Variants in ZCWPW2 observed in about 807,000 individuals in gnomAD.
ZCWPW2 encodes zinc finger CW-type PWWP domain protein 2.
A neutral mutation model predicts 46.6 loss-of-function variants in ZCWPW2; 45 were observed. The ratio of observed to expected loss-of-function variants is 0.96; its 90% confidence interval spans 0.76 to 1.24. The LOEUF is 1.24. Among genes scored for constraint, ZCWPW2 ranks in the 50% most tolerant of loss-of-function variants. ZCWPW2 has a pLI of 0.00. For synonymous variants in ZCWPW2, 152 were observed against 137.1 expected (o/e 1.11, Z -0.76); for missense variants, 429 against 403.9 (o/e 1.06, Z -0.53).
chr3:28,426,757 T>G (rs1032432089), intron 3 of ZCWPW2, among the ~76,000 whole-genome samples: 2 of 152,210 alleles, frequency 1.3e-5, no homozygotes, highest in African/African-American at 4.8e-5. Flanking sequence ...AACTCATCCA[T>G]TTTGTTTCCA....
At chr3:28,439,332 A>T (rs958036687) in intron 4 of ZCWPW2, among the ~76,000 whole-genome samples, 2 of 151,984 alleles carry the variant, frequency 1.3e-5, no homozygotes, top group African/African-American at 2.4e-5. Context: ...AGAAAGATGT[A>T]GGCTGGGAGG....
At chr3:28,369,105 C>T (rs1199083808) in intron 1 of ZCWPW2, among the ~76,000 whole-genome samples, 3 of 152,106 alleles carry the variant, frequency 2.0e-5, no homozygotes, top group African/African-American at 7.2e-5. Flanking sequence ...TGGGTTCGAA[C>T]TTCCTCCTTT....
At chr3:28,434,363 CA>C (rs990568904) in intron 3 of ZCWPW2, among the ~76,000 whole-genome samples, 6 of 150,068 alleles carry the variant, frequency 4.0e-5, no homozygotes, top group South Asian at 4.2e-4. Context: ...CCAAATACAA[CA>C]AAAAAAAGTA....
chr3:28,430,195 C>T (rs1697196341), intron 3 of ZCWPW2, among the ~76,000 whole-genome samples: 1 of 152,190 alleles, frequency 6.6e-6, no homozygotes, highest in Admixed American at 6.5e-5. Context: ...GTACCTTGCA[C>T]AGCCACAGGG....
At chr3:28,501,352 T>C (rs1389784178) in intron 6 of ZCWPW2, among the ~76,000 whole-genome samples, 1 of 152,168 alleles carries the variant, frequency 6.6e-6, no homozygotes, top group Non-Finnish European at 1.5e-5. Flanking sequence ...TTGTTATTGG[T>C]TGCTGTGAAA....
At chr3:28,365,874 G>A (rs1276389462) in intron 1 of ZCWPW2, among the ~76,000 whole-genome samples, 2 of 141,184 alleles carry the variant, frequency 1.4e-5, no homozygotes, top group African/African-American at 5.0e-5. Flanking sequence ...TCCCGTGTAA[G>A]TTGGATTCCT....
intron 1 of ZCWPW2, among the ~76,000 whole-genome samples, chr3:28,380,948 A>ATATATATATATATATATTTGG (rs1695036065): frequency 7.2e-5 from 3 of 41,448 alleles, no homozygotes; most frequent in African/African-American, 2.5e-4. Context: ...ATATATATAT[A>ATATATATATATATATATTTGG]TATATATATA....
At position 28,349,210 on chromosome 3, in the gene ZCWPW2, G is replaced by A. The variant is rs560603628; in HGVS notation, c.-134+7G>A. The A allele has an allele frequency of 2.0e-6, 2 of 985,450 alleles. No homozygotes were observed. Among genetic ancestry groups the A allele is most frequent in the Non-Finnish European group, 2.4e-6 (2 of 829,946 alleles). 61.0% of individuals were successfully genotyped at this position (985,450 alleles called of 1,614,324 possible). A position where few individuals can be genotyped will look rare whatever the true frequency, so the allele number is the denominator to read the frequency against. ...GGAGGCGGAGTGGAGTTAGGTAAGA[G>A]CGTTACCAGCCGTCTTGTCTGTTGG... On this transcript the variant is annotated splice_region_variant and intron_variant, in intron 1 of 9. Coordinates refer to ENST00000383768, the MANE Select transcript of ZCWPW2 (RefSeq NM_001040432.4).
chr3:28,369,846 C>T (rs983074677), intron 1 of ZCWPW2, among the ~76,000 whole-genome samples: 8 of 152,198 alleles, frequency 5.3e-5, no homozygotes, highest in Admixed American at 5.2e-4. Flanking sequence ...CTACTCAAGC[C>T]TCAGCAATGG....
chr3:28,498,131 A>T (rs996006182), intron 6 of ZCWPW2, among the ~76,000 whole-genome samples: 6 of 152,018 alleles, frequency 3.9e-5, no homozygotes, highest in African/African-American at 1.4e-4. Flanking sequence ...TAAAATAAGG[A>T]CTAAAAAACA....
chr3:28,430,449 G>A (rs186323094), intron 3 of ZCWPW2, among the ~76,000 whole-genome samples: 11 of 152,298 alleles, frequency 7.2e-5, no homozygotes, highest in Admixed American at 3.3e-4. Flanking sequence ...GATTTCACAG[G>A]CTTATAGACA....
chr3:28,442,062 T>C (rs1419304787), intron 4 of ZCWPW2, among the ~76,000 whole-genome samples: 1 of 152,218 alleles, frequency 6.6e-6, no homozygotes, highest in Non-Finnish European at 1.5e-5. Context: ...CAGAACTGTT[T>C]GCACAGCAGC....
chr3:28,478,333 T>C, intron 4 of ZCWPW2: 1 of 317,396 alleles, frequency 3.2e-6, no homozygotes, highest in Non-Finnish European at 6.7e-6. Flanking sequence ...AGCATCTGCC[T>C]CCCAGGTTCA....
chr3:28,393,786 T>A (rs187463700), intron 2 of ZCWPW2, among the ~76,000 whole-genome samples: 2 of 152,210 alleles, frequency 1.3e-5, no homozygotes, highest in African/African-American at 4.8e-5. Context: ...AGGAATGCAC[T>A]TCAACATCAC....
intron 3 of ZCWPW2, among the ~76,000 whole-genome samples, chr3:28,424,000 T>C (rs1411430140): frequency 6.6e-6 from 1 of 152,186 alleles, no homozygotes; most frequent in African/African-American, 2.4e-5. Flanking sequence ...TTTGCTATTA[T>C]AGTTGCCCTA....
chr3:28,396,413 A>T (rs1011159514), intron 2 of ZCWPW2, among the ~76,000 whole-genome samples: 1 of 152,230 alleles, frequency 6.6e-6, no homozygotes, highest in African/African-American at 2.4e-5. Flanking sequence ...AATCCTGTTA[A>T]TACTTTAAAA....
chr3:28,421,412 A>G (rs1005266774), intron 3 of ZCWPW2, among the ~76,000 whole-genome samples: 1 of 152,146 alleles, frequency 6.6e-6, no homozygotes, highest in African/African-American at 2.4e-5. Context: ...GTCCAGGCTC[A>G]CCACTGGCCT....
chr3:28,508,871 T>G (rs1700350856), intron 6 of ZCWPW2, among the ~76,000 whole-genome samples: 1 of 152,198 alleles, frequency 6.6e-6, no homozygotes. Context: ...ATTACAGATT[T>G]ATTGAGATTT....
intron 1 of ZCWPW2, among the ~76,000 whole-genome samples, chr3:28,366,797 A>G (rs1705134685): frequency 6.6e-6 from 1 of 152,118 alleles, no homozygotes; most frequent in Non-Finnish European, 1.5e-5. Flanking sequence ...TTGGTAAGCT[A>G]TTAATTATTG....
Sources: allele counts gnomAD v4.1 joint callset (sites outside exome capture counted in the v4.1 genomes callset), GRCh38; gene constraint gnomAD v4.1.1; transcripts MANE v1.5; gene names NCBI Gene and HGNC (gene_info 2026-07-23, HGNC 2026-07-21).